The following KLF13 variants were observed in gnomAD, a reference collection of about 807,000 sequenced individuals.
KLF13 encodes KLF transcription factor 13, also known as Krueppel-like factor 13.
KLF13 carries 8 observed loss-of-function variants against 16.7 expected under a neutral mutation model. The observed-to-expected ratio is 0.48, with a 90% CI of 0.28 to 0.87. KLF13 has a LOEUF of 0.87. KLF13 is among the 40% of genes least tolerant of loss of function. The pLI is 0.10. For missense variants in KLF13, 447 were observed against 452.2 expected (o/e 0.99, Z 0.10); for synonymous variants, 245 against 208.4 (o/e 1.18, Z -1.51).
chr15:31,352,446 G>A (rs1378820540), intron 1 of KLF13, among the ~76,000 whole-genome samples: 1 of 152,252 alleles, frequency 6.6e-6, no homozygotes, highest in Non-Finnish European at 1.5e-5. Flanking sequence ...TGGCCCAGGT[G>A]TGGGCTGGCC....
chr15:31,362,727 G>A (rs1275469821), intron 1 of KLF13, among the ~76,000 whole-genome samples: 2 of 152,164 alleles, frequency 1.3e-5, no homozygotes, highest in African/African-American at 4.8e-5. Flanking sequence ...TCTGCTCAGT[G>A]TTCCCCTGGG....
chr15:31,399,642 C>T lies in KLF13; in HGVS notation n.530-3786C>T, dbSNP rs566948266. ...GGGTGCTGAAACCTGCACTAACCTC[C>T]GCCTCGTGGCTGGGTGCGGGACAAG... On this transcript the variant is annotated intron_variant and non_coding_transcript_variant, in intron 2 of 2. Transcript: ENST00000500533. Among the ~76,000 whole-genome samples the T allele has an allele frequency of 1.5e-3, 234 of 152,352 alleles. 1 individual carries two copies. Among genetic ancestry groups the T allele is most frequent in the African/African-American group, 5.2e-3 (218 of 41,588 alleles).
intron 1 of KLF13, among the ~76,000 whole-genome samples, chr15:31,428,397 G>A (rs1162259540): frequency 6.6e-6 from 1 of 152,186 alleles, no homozygotes; most frequent in Admixed American, 6.5e-5. Context: ...GCAAGGCTCA[G>A]TATCCTAAAG....
At chr15:31,413,206 A>AAAAAAC (rs1566843740) in intron 1 of KLF13, among the ~76,000 whole-genome samples, 3 of 145,448 alleles carry the variant, frequency 2.1e-5, no homozygotes, top group East Asian at 2.1e-4. Flanking sequence ...AAAAAAACAA[A>AAAAAAC]AAACAAAAAA....
chr15:31,405,205 T>G (rs879853783), downstream of KLF13, among the ~76,000 whole-genome samples: 1 of 152,040 alleles, frequency 6.6e-6, no homozygotes, highest in African/African-American at 2.4e-5. Flanking sequence ...TTCCAGCTAC[T>G]CTGGAGGCTG....
chr15:31,358,826 A>G (rs1360477085), intron 1 of KLF13, among the ~76,000 whole-genome samples: 1 of 152,228 alleles, frequency 6.6e-6, no homozygotes, highest in East Asian at 1.9e-4. Context: ...TTGGTACGCA[A>G]GCAGTCACAT....
Position 31,327,196 on chromosome 15 carries a change from C to G in KLF13, c.-17C>G. 7.6e-7 allele frequency: 1 copy of G among 1,317,574 alleles called. No homozygotes were observed. Among genetic ancestry groups the G allele is most frequent in the Non-Finnish European group, 9.7e-7 (1 of 1,035,714 alleles). The allele number at this position is 1,317,574 out of a possible 1,614,324, so 81.6% of individuals were successfully genotyped here. A position where few individuals can be genotyped will look rare whatever the true frequency, so the allele number is the denominator to read the frequency against. ...CGACTCGCAGCAAGAGCACCGCCGC[C>G]GGCCCCAGCCCGCAGCATGGCAGCC... On this transcript the variant is annotated 5_prime_UTR_variant, in exon 1 of 2. Transcript: ENST00000307145.
At chr15:31,388,954 A>G (rs1159852489), upstream of KLF13, among the ~76,000 whole-genome samples, 1 of 151,168 alleles carries the variant, frequency 6.6e-6, no homozygotes, top group Non-Finnish European at 1.5e-5. Flanking sequence ...TTGTCCTCCT[A>G]CTTTGTGATT....
At chr15:31,350,985 A>G (rs568883146) in intron 1 of KLF13, among the ~76,000 whole-genome samples, 1 of 152,336 alleles carries the variant, frequency 6.6e-6, no homozygotes, top group South Asian at 2.1e-4. Flanking sequence ...GTGGATGGAC[A>G]TCCGAGTAAG....
intron 1 of KLF13, among the ~76,000 whole-genome samples, chr15:31,429,684 GAGAA>G (rs1250263416): frequency 3.3e-5 from 5 of 150,586 alleles, no homozygotes; most frequent in East Asian, 1.9e-4. Context: ...TCTTAGCACA[GAGAA>G]AGATTCTTTT....
chr15:31,328,855 C>T (rs1339864907), intron 1 of KLF13, among the ~76,000 whole-genome samples: 2 of 152,262 alleles, frequency 1.3e-5, no homozygotes, highest in Middle Eastern at 3.4e-3. Context: ...GTGAGTTCTT[C>T]TGTGACACTC....
At chr15:31,330,757 T>C (rs2038814904) in intron 1 of KLF13, among the ~76,000 whole-genome samples, 1 of 152,368 alleles carries the variant, frequency 6.6e-6, no homozygotes, top group Non-Finnish European at 1.5e-5. Context: ...TAATTGTTGA[T>C]ATTATAACAA....
Position 31,327,142 on chromosome 15 carries a change from C to G in KLF13, c.-71C>G, listed in dbSNP as rs1177979534. On this transcript the variant is annotated 5_prime_UTR_variant, in exon 1 of 2. Transcript: ENST00000307145. ...CGCCCCCGCCCCCCGCCCGCTCTCC[C>G]GAGGCCGTGGGTGCGGATGCGCGGC... is the stretch of plus-strand genomic sequence containing the variant. The G allele has an allele frequency of 4.9e-6, 6 of 1,228,638 alleles. No individual in the cohort carries two copies. Among genetic ancestry groups the G allele is most frequent in the South Asian group, 4.9e-5 (2 of 40,422 alleles). 76.1% of individuals were successfully genotyped at this position (1,228,638 alleles called of 1,614,324 possible). A position where few individuals can be genotyped will look rare whatever the true frequency, so the allele number is the denominator to read the frequency against.
At chr15:31,413,063 A>G (rs2040213311) in intron 1 of KLF13, among the ~76,000 whole-genome samples, 1 of 152,180 alleles carries the variant, frequency 6.6e-6, no homozygotes, top group African/African-American at 2.4e-5. Flanking sequence ...CTTGAAAACA[A>G]AAGAACAATC....
Position 31,372,568 on chromosome 15 carries a change from G to A in KLF13, c.*269G>A, listed in dbSNP as rs552897833. The A allele has an allele frequency of 2.1e-5, 10 of 477,112 alleles. No homozygotes were observed. The highest frequency in any genetic ancestry group is 1.2e-4 in the Admixed American group (3 of 25,826). The allele number at this position is 477,112 out of a possible 1,614,324, so 29.6% of individuals were successfully genotyped here. A position where few individuals can be genotyped will look rare whatever the true frequency, so the allele number is the denominator to read the frequency against. On this transcript the variant is annotated 3_prime_UTR_variant, in exon 2 of 2. Coordinates refer to ENST00000307145, the MANE Select transcript of KLF13 (RefSeq NM_015995.4). ...TTTCTCAGGGATGGACACGTTTCAC[G>A]AGGTCAGTGAGGACACCCCTTCCTG...
intron 1 of KLF13, among the ~76,000 whole-genome samples, chr15:31,337,091 G>A (rs1371667646): frequency 2.6e-5 from 4 of 152,208 alleles, no homozygotes; most frequent in African/African-American, 9.7e-5. Flanking sequence ...CTGCATGACT[G>A]TCCATGTCTG....
intron 2 of KLF13, among the ~76,000 whole-genome samples, chr15:31,398,236 A>G (rs1016448587): frequency 1.3e-5 from 2 of 152,208 alleles, no homozygotes; most frequent in Non-Finnish European, 2.9e-5. Flanking sequence ...AAAGGAGCCC[A>G]GGCCTCAGAG....
At chr15:31,368,311 A>G (rs894405078) in intron 1 of KLF13, among the ~76,000 whole-genome samples, 57 of 152,276 alleles carry the variant, frequency 3.7e-4, no homozygotes, top group African/African-American at 1.3e-3. Flanking sequence ...TTAATGCTAA[A>G]CCATTTAATG....
At chr15:31,353,556 G>A (rs2039250570) in intron 1 of KLF13, among the ~76,000 whole-genome samples, 1 of 152,214 alleles carries the variant, frequency 6.6e-6, no homozygotes, top group Non-Finnish European at 1.5e-5. Flanking sequence ...ACCACTTCGG[G>A]GCTGCAGAGA....
Sources: allele counts gnomAD v4.1 joint callset (sites outside exome capture counted in the v4.1 genomes callset), GRCh38; gene constraint gnomAD v4.1.1; transcripts MANE v1.5; gene names NCBI Gene and HGNC (gene_info 2026-07-23, HGNC 2026-07-21).